TRAPPC11: variants seen among roughly 807,000 people sequenced by gnomAD.
TRAPPC11 encodes foie gras homolog.
TRAPPC11 carries 104 observed loss-of-function variants against 151.2 expected under a neutral mutation model. That is an observed-to-expected ratio of 0.69 (90% CI 0.59 to 0.81). TRAPPC11 has a LOEUF of 0.81. TRAPPC11 is among the 30% of genes least tolerant of loss of function. The pLI, the probability that TRAPPC11 is intolerant of heterozygous loss-of-function variation, is 0.00. For synonymous variants in TRAPPC11, 456 were observed against 472.3 expected (o/e 0.97, Z 0.45); for missense variants, 1,230 against 1,349.6 (o/e 0.91, Z 1.39).
At chr4:183,697,917 A>G (rs373036730) in intron 25 of TRAPPC11, 82 bp downstream of exon 25, 4 of 1,358,156 alleles carry the variant, frequency 2.9e-6, no homozygotes, top group Non-Finnish European at 4.0e-6. Flanking sequence ...GCAATGGAAG[A>G]GTTAATTAGC....
intron 3 of TRAPPC11, 96 bp downstream of exon 3, chr4:183,666,522 G>A: frequency 3.1e-6 from 4 of 1,280,326 alleles, no homozygotes; most frequent in Non-Finnish European, 4.3e-6. Context: ...TCAGACTGCA[G>A]TGGTCACTTT....
At chr4:183,695,664 A>G (rs951124882) in intron 23 of TRAPPC11, among the ~76,000 whole-genome samples, 1 of 152,146 alleles carries the variant, frequency 6.6e-6, no homozygotes, top group Non-Finnish European at 1.5e-5. Flanking sequence ...TCTCTTAGGA[A>G]TTGGGTCCTC....
intron 22 of TRAPPC11, 136 bp from the exon 23 acceptor site, chr4:183,694,468 A>G: frequency 2.2e-6 from 2 of 891,652 alleles, no homozygotes; most frequent in East Asian, 2.7e-5. Context: ...TTACATTGTA[A>G]CATTCTGTAA....
At chr4:183,677,918 T>G (rs1228682246) in intron 8 of TRAPPC11, among the ~76,000 whole-genome samples, 3 of 151,210 alleles carry the variant, frequency 2.0e-5, no homozygotes, top group Non-Finnish European at 4.4e-5. Context: ...AGAAAAGAAG[T>G]GTCTATTCAC....
intron 2 of TRAPPC11, among the ~76,000 whole-genome samples, chr4:183,664,805 C>A (rs929097079): frequency 3.3e-5 from 5 of 151,888 alleles, no homozygotes; most frequent in Non-Finnish European, 7.4e-5. Flanking sequence ...TAGTTCTGAC[C>A]CCTATCCTTT....
chr4:183,660,773 G>A (rs2111271540), intron 1 of TRAPPC11, among the ~76,000 whole-genome samples: 1 of 152,312 alleles, frequency 6.6e-6, no homozygotes, highest in South Asian at 2.1e-4. Flanking sequence ...GAGTGCAGTG[G>A]TGCGATCTCG....
At chr4:183,690,410 C>T (rs2111058055) in intron 18 of TRAPPC11, among the ~76,000 whole-genome samples, 1 of 152,230 alleles carries the variant, frequency 6.6e-6, no homozygotes, top group East Asian at 1.9e-4. Context: ...TAGATAGAAA[C>T]ATGAAAGCTG....
At chr4:183,678,688 C>T (rs928273590) in intron 8 of TRAPPC11, among the ~76,000 whole-genome samples, 1 of 152,130 alleles carries the variant, frequency 6.6e-6, no homozygotes, top group Non-Finnish European at 1.5e-5. Flanking sequence ...AAGCATATGG[C>T]AGAAACTGAT....
chr4:183,665,758 G>C (rs1734846246), intron 2 of TRAPPC11, among the ~76,000 whole-genome samples: 1 of 152,182 alleles, frequency 6.6e-6, no homozygotes, highest in Non-Finnish European at 1.5e-5. Context: ...TTTAAGAATT[G>C]TTCTCTGCTT....
chr4:183,682,197 C>CAA (rs1213321486), intron 10 of TRAPPC11, among the ~76,000 whole-genome samples: 1 of 152,190 alleles, frequency 6.6e-6, no homozygotes, highest in East Asian at 1.9e-4. Context: ...TTTAGATTTT[C>CAA]ATCCTTTTGG....
chr4:183,704,048 G>A (rs72693616), intron 26 of TRAPPC11, among the ~76,000 whole-genome samples: 39,120 of 152,028 alleles, frequency 0.26, 5,365 homozygotes, highest in African/African-American at 0.35. Context: ...AATTGAGAAA[G>A]TCTTGCTACC....
rs10576583 is a variant in TRAPPC11 at position 183,707,254 on chromosome 4, A to ATGTGTGTGTG, written c.3189+333_3189+342dup. Among the ~76,000 whole-genome samples, 4,934 of 148,628 alleles carry ATGTGTGTGTG rather than the reference A, an allele frequency of 0.033. 253 individuals are homozygous for ATGTGTGTGTG. Among genetic ancestry groups the ATGTGTGTGTG allele is most frequent in the African/African-American group, 0.11 (4,389 of 40,312 alleles). On this transcript the variant is annotated intron_variant, in intron 28 of 29. Coordinates refer to ENST00000334690, the MANE Select transcript of TRAPPC11 (RefSeq NM_021942.6). ...TTATTACTGATGAGTGTGTGTGTTT[A>ATGTGTGTGTG]TGTGTGTGTGTGTGTGTGTGTGTGT... is the stretch of plus-strand genomic sequence containing the variant.
At chr4:183,670,402 C>G (rs1057054158) in intron 5 of TRAPPC11, among the ~76,000 whole-genome samples, 1 of 152,102 alleles carries the variant, frequency 6.6e-6, no homozygotes, top group Non-Finnish European at 1.5e-5. Flanking sequence ...TAAGTGTTCC[C>G]AACGTTCAGA....
At chr4:183,674,904 T>C in intron 6 of TRAPPC11, 92 bp downstream of exon 6, 1 of 771,668 alleles carries the variant, frequency 1.3e-6, no homozygotes, top group Non-Finnish European at 2.1e-6. Context: ...CTTTAATGTT[T>C]TAAATGGTTT....
Position 183,694,626 on chromosome 4 carries a change from G to T in TRAPPC11, c.2531G>T (p.Arg844Leu), listed in dbSNP as rs781082721. 4 of 1,612,808 alleles carry T rather than the reference G, an allele frequency of 2.5e-6. No individual in the cohort carries two copies. Among genetic ancestry groups the T allele is most frequent in the South Asian group, 1.1e-5 (1 of 90,904 alleles). Residue 844 changes from arginine (R) to leucine (L), a missense_variant, in exon 23 of 30, where the codon CGC (arginine) becomes CTC (leucine). Arg to Leu is a moderately radical substitution (Grantham distance 102, BLOSUM62 -2). Transcript: ENST00000334690. ...CAGCTGGAAAAAATGTTGTATGTTC[G>T]CTGTGGAACAGTGGGTTCCAGAATG... The part of the protein sequence containing the change: ...GEQLEKMLYV[R>L]CGTVGSRMFL...
rs200936990 is a variant in TRAPPC11 at position 183,697,728 on chromosome 4, C to T, written c.2744C>T (p.Thr915Met). 60 of 1,614,120 alleles carry T rather than the reference C, an allele frequency of 3.7e-5. No individual in the cohort carries two copies. The highest frequency in any genetic ancestry group is 6.7e-5 in the East Asian group (3 of 44,880). The stretch of plus-strand genomic sequence containing the variant: ...GCTGACATCCCCTTTCTGTTGATGA[C>T]GGACCTCTTAAGTGCCTCACCCTGG... ...VYADIPFLLMTDLLSASPWAL... is the reference protein window; with the variant it reads ...VYADIPFLLMMDLLSASPWAL... The change falls in exon 25 of 30, where the codon ACG becomes ATG. Residue 915 changes from threonine (T) to methionine (M), a missense_variant. Thr to Met is a moderately conservative substitution (Grantham distance 81). Coordinates refer to ENST00000334690, the MANE Select transcript of TRAPPC11 (RefSeq NM_021942.6).
intron 2 of TRAPPC11, among the ~76,000 whole-genome samples, chr4:183,665,340 C>A (rs1265460960): frequency 6.6e-6 from 1 of 152,050 alleles, no homozygotes; most frequent in African/African-American, 2.4e-5. Flanking sequence ...GTGATCTGCC[C>A]ACCTTGGCCT....
intron 5 of TRAPPC11, among the ~76,000 whole-genome samples, chr4:183,671,366 G>T (rs1269303755): frequency 1.3e-5 from 2 of 152,170 alleles, no homozygotes; most frequent in East Asian, 3.9e-4. Flanking sequence ...CAGTATTGAA[G>T]CAGTGTTTCA....
At chr4:183,703,202 G>A (rs1275286715) in intron 26 of TRAPPC11, among the ~76,000 whole-genome samples, 1 of 152,170 alleles carries the variant, frequency 6.6e-6, no homozygotes, top group Non-Finnish European at 1.5e-5. Flanking sequence ...TAGGCCAGCA[G>A]TTCTCAAACT....
Sources: gnomAD v4.1 joint callset for allele counts (sites outside exome capture counted in the v4.1 genomes callset) on GRCh38, gnomAD v4.1.1 for gene constraint, MANE v1.5 for transcripts, NCBI Gene and HGNC (gene_info 2026-07-23, HGNC 2026-07-21) for gene names.